The following PCDHAC1 variants were observed in gnomAD, a reference collection of about 807,000 sequenced individuals.
PCDHAC1 encodes the protein protocadherin alpha-C1.
In PCDHAC1, 42 loss-of-function variants were observed where a neutral mutation model predicts 60.0. The ratio of observed to expected loss-of-function variants is 0.70; its 90% CI spans 0.55 to 0.90. The LOEUF (loss-of-function observed/expected upper bound fraction) is 0.90, where lower values mean the gene tolerates loss of function less well. PCDHAC1 is among the 40% of genes least tolerant of loss of function. PCDHAC1 has a pLI of 0.00. For missense variants in PCDHAC1, 1,160 were observed against 1,222.3 expected (o/e 0.95, Z 0.76); for synonymous variants, 468 against 499.3 (o/e 0.94, Z 0.84).
intron 1 of PCDHAC1, among the ~76,000 whole-genome samples, chr5:140,960,167 CTTAAG>C (rs1291277794): frequency 1.3e-5 from 2 of 152,052 alleles, no homozygotes; most frequent in Non-Finnish European, 2.9e-5. Context: ...TAATACAATT[CTTAAG>C]TTAGGGGTTG....
At chr5:140,942,668 A>G (rs1047486718) in intron 1 of PCDHAC1, among the ~76,000 whole-genome samples, 7 of 152,336 alleles carry the variant, frequency 4.6e-5, no homozygotes, top group Admixed American at 2.0e-4. Flanking sequence ...CAATAAGCAC[A>G]AAAGTTTTAG....
intron 3 of PCDHAC1, among the ~76,000 whole-genome samples, chr5:140,983,526 A>C (rs1421450953): frequency 6.6e-6 from 1 of 152,230 alleles, no homozygotes; most frequent in African/African-American, 2.4e-5. Context: ...TGCCAAGTAC[A>C]TTGTATGTGT....
At position 140,980,488 on chromosome 5, in the gene PCDHAC1, G is replaced by A. The variant is rs372283383; in HGVS notation, c.2492+1481G>A. Among the ~76,000 whole-genome samples, 12 of 152,250 alleles carry A rather than the reference G, an allele frequency of 7.9e-5. No individual in the cohort carries two copies. The East Asian group carries it at 1.9e-3, about 25-fold the overall frequency. Reference sequence around the variant, plus strand: ...CTACTAAAAATACAAAAATTAGCTGGGCGTGATGGCATGTGCCTGTAGTTC... The same window carrying A: ...CTACTAAAAATACAAAAATTAGCTGAGCGTGATGGCATGTGCCTGTAGTTC... On this transcript the variant is annotated intron_variant, in intron 2 of 3. Transcript: ENST00000253807.
chr5:140,966,216 C>T (rs1189015388), intron 1 of PCDHAC1: 1 of 247,072 alleles, frequency 4.0e-6, no homozygotes, highest in African/African-American at 2.2e-5. Flanking sequence ...TTTTCCCAGA[C>T]TAATCTCCTT....
At chr5:140,958,367 T>C (rs1029042656) in intron 1 of PCDHAC1, among the ~76,000 whole-genome samples, 2 of 152,166 alleles carry the variant, frequency 1.3e-5, no homozygotes, top group Admixed American at 6.5e-5. Context: ...TTATCAGGAA[T>C]GTTGCTATTT....
rs782811125 is a variant in PCDHAC1, at chr5:140,927,108, C to A, written c.216C>A (p.Ser72Arg). 1 of 1,613,646 alleles carries A rather than the reference C, an allele frequency of 6.2e-7. No individual in the cohort carries two copies. Among genetic ancestry groups the A allele is most frequent in the Non-Finnish European group, 8.5e-7 (1 of 1,179,750 alleles). ...RELYFGVDLP[S>R]GNLVVREPAD... Reference sequence around the variant, plus strand: ...TCTACTTCGGGGTGGATCTACCCAGCGGCAATTTGGTGGTCAGAGAGCCGG... The same window carrying A: ...TCTACTTCGGGGTGGATCTACCCAGAGGCAATTTGGTGGTCAGAGAGCCGG... The change falls in exon 1 of 4, where the codon AGC becomes AGA. Residue 72 changes from serine (S) to arginine (R), a missense_variant. Physicochemically the swap from Ser to Arg is moderately radical, Grantham distance 110. This residue lies in a region of PCDHAC1 where 1,113 missense variants were observed against 1,163.7 expected (regional missense o/e 0.96). Coordinates refer to ENST00000253807, the MANE Select transcript of PCDHAC1 (RefSeq NM_018898.5).
At chr5:141,003,536 C>T (rs1409675219) in intron 3 of PCDHAC1, among the ~76,000 whole-genome samples, 1 of 152,152 alleles carries the variant, frequency 6.6e-6, no homozygotes, top group Non-Finnish European at 1.5e-5. Context: ...TGGTCTTGAA[C>T]TCCTGGCTTC....
At chr5:140,967,976 C>G in intron 1 of PCDHAC1, 14 of 1,614,222 alleles carry the variant, frequency 8.7e-6, no homozygotes, top group Non-Finnish European at 1.2e-5. Context: ...GAGCCTGGGT[C>G]TGGAGGCCAC....
intron 1 of PCDHAC1, among the ~76,000 whole-genome samples, chr5:140,942,118 A>C (rs554488765): frequency 1.3e-5 from 2 of 152,360 alleles, no homozygotes; most frequent in East Asian, 3.9e-4. Flanking sequence ...AAACTTTATT[A>C]AAGGTGATAT....
At chr5:141,003,510 A>C (rs1468305070) in intron 3 of PCDHAC1, among the ~76,000 whole-genome samples, 1 of 152,070 alleles carries the variant, frequency 6.6e-6, no homozygotes, top group African/African-American at 2.4e-5. Context: ...ATGGGGTTTC[A>C]CCATGTTCCC....
chr5:140,933,032 G>A (rs1425582468), intron 1 of PCDHAC1, among the ~76,000 whole-genome samples: 1 of 152,016 alleles, frequency 6.6e-6, no homozygotes, highest in Non-Finnish European at 1.5e-5. Flanking sequence ...AGAACTTCAA[G>A]TGAATATGGA....
At chr5:141,000,052 C>G (rs945182675) in intron 3 of PCDHAC1, among the ~76,000 whole-genome samples, 2 of 152,100 alleles carry the variant, frequency 1.3e-5, no homozygotes, top group Admixed American at 1.3e-4. Flanking sequence ...CACCACTCTC[C>G]CAGCTGCTCT....
chr5:140,928,351 G>A lies in PCDHAC1; in HGVS notation c.1459G>A (p.Val487Ile), dbSNP rs201396871. ...CCTTGTCTCTTATGAGCTGTTGGAT[G>A]TTATCTCTGAAGGGCCATCAGCCTC... Reference protein sequence around the residue: ...NGLVSYELLDVISEGPSASSL... With the variant: ...NGLVSYELLDIISEGPSASSL... The change falls in exon 1 of 4, where the codon GTT becomes ATT. Residue 487 changes from valine (V) to isoleucine (I), a missense_variant. This residue lies in a region of PCDHAC1 where 1,113 missense variants were observed against 1,163.7 expected (regional missense o/e 0.96). Coordinates refer to ENST00000253807, the MANE Select transcript of PCDHAC1 (RefSeq NM_018898.5). The A allele has an allele frequency of 1.2e-5, 20 of 1,614,150 alleles. No individual in the cohort carries two copies. In the East Asian group the frequency reaches 4.5e-4, roughly 36 times the overall value.
At position 140,927,566 on chromosome 5, in the gene PCDHAC1, A is replaced by G; in HGVS notation, c.674A>G (p.Asp225Gly). 6.2e-7 allele frequency: 1 copy of G among 1,614,168 alleles called. No homozygotes were observed. The highest frequency in any genetic ancestry group is 8.5e-7 in the Non-Finnish European group (1 of 1,180,024). The stretch of plus-strand genomic sequence containing the variant: ...GCACAAGTCACCATCATTGTGGTGG[A>G]CACAAATGACAACGCGCCTGTATTT... ...GDAQVTIIVVDTNDNAPVFER... is the reference protein window; with the variant it reads ...GDAQVTIIVVGTNDNAPVFER... The change falls in exon 1 of 4, where the codon GAC (aspartate) becomes GGC (glycine). Residue 225 changes from aspartate to glycine, a missense_variant. This residue lies in a region of PCDHAC1 where 1,113 missense variants were observed against 1,163.7 expected (regional missense o/e 0.96). Transcript: ENST00000253807.
chr5:140,972,270 G>T (rs2096527606), intron 1 of PCDHAC1, among the ~76,000 whole-genome samples: 2 of 151,190 alleles, frequency 1.3e-5, no homozygotes, highest in African/African-American at 4.9e-5. Context: ...CTCCTGAGTA[G>T]CTTGGACCAT....
At chr5:140,970,758 A>T (rs1217450283) in intron 1 of PCDHAC1, among the ~76,000 whole-genome samples, 2 of 152,232 alleles carry the variant, frequency 1.3e-5, no homozygotes, top group East Asian at 3.8e-4. Flanking sequence ...ATTTTCATTG[A>T]CATATTGCTG....
At chr5:140,954,453 A>G (rs1489783264) in intron 1 of PCDHAC1, among the ~76,000 whole-genome samples, 1 of 152,142 alleles carries the variant, frequency 6.6e-6, no homozygotes, top group East Asian at 1.9e-4. Flanking sequence ...ACTTGTTAAT[A>G]ATTGCCATTC....
At chr5:140,955,929 C>T (rs567378851) in intron 1 of PCDHAC1, among the ~76,000 whole-genome samples, 1 of 152,252 alleles carries the variant, frequency 6.6e-6, no homozygotes, top group East Asian at 1.9e-4. Flanking sequence ...GGAGTTCATT[C>T]ATAATATGGC....
intron 1 of PCDHAC1, among the ~76,000 whole-genome samples, chr5:140,977,021 A>G (rs1249097233): frequency 1.3e-5 from 2 of 152,190 alleles, no homozygotes; most frequent in East Asian, 3.8e-4. Context: ...ATTCTGTCAA[A>G]TGAATCTAAG....
Sources: gnomAD v4.1 joint callset for allele counts (sites outside exome capture counted in the v4.1 genomes callset) on GRCh38, gnomAD v4.1.1 for gene constraint, gnomAD v4.1.1 regional missense constraint, MANE v1.5 for transcripts, NCBI Gene and HGNC (gene_info 2026-07-23, HGNC 2026-07-21) for gene names.